CPNE3: variants seen among roughly 807,000 people sequenced by gnomAD.
CPNE3 encodes copine 3, also known as copine-3.
CPNE3 carries 68 observed loss-of-function variants against 63.9 expected under a neutral mutation model. The observed-to-expected ratio is 1.06, with a 90% CI of 0.87 to 1.30. The LOEUF (loss-of-function observed/expected upper bound fraction) is 1.30, where lower values mean the gene tolerates loss of function less well. Ranked by LOEUF, CPNE3 falls within the 50% of genes most tolerant of loss-of-function variation. The pLI, the probability that CPNE3 is intolerant of heterozygous loss-of-function variation, is 0.00. For synonymous variants in CPNE3, 219 were observed against 197.5 expected, an observed-to-expected ratio of 1.11 and a Z score of -0.91; for missense variants, 665 against 578.1, an observed-to-expected ratio of 1.15 and a Z score of -1.54.
Position 86,547,798 on chromosome 8 carries a change from T to C in CPNE3, c.879+28T>C, listed in dbSNP as rs375816223. On this transcript the variant is annotated intron_variant, in intron 11 of 16. Coordinates refer to ENST00000517490, the MANE Select transcript of CPNE3 (RefSeq NM_003909.5). ...AAGTAACACACTGAATTTTTCAGCA[T>C]AGGCTTTTTCCTCCATGTTGCAGTA... 68 of 1,042,942 alleles carry C rather than the reference T, an allele frequency of 6.5e-5. No homozygotes were observed. In the African/African-American group the frequency reaches 9.5e-4, roughly 15 times the overall value. The allele number at this position is 1,042,942 out of a possible 1,614,324, so 64.6% of individuals were successfully genotyped here.
intron 2 of CPNE3, among the ~76,000 whole-genome samples, chr8:86,521,249 A>G (rs928232365): frequency 6.6e-6 from 1 of 152,180 alleles, no homozygotes; most frequent in Non-Finnish European, 1.5e-5. Context: ...AGCCTTAAGT[A>G]ATTTACAATT....
intron 2 of CPNE3, among the ~76,000 whole-genome samples, chr8:86,523,868 G>A (rs1820485109): frequency 6.6e-6 from 1 of 152,186 alleles, no homozygotes; most frequent in African/African-American, 2.4e-5. Context: ...GATTACAGGT[G>A]TGAGCCACCG....
chr8:86,542,933 C>G (rs1178224893), intron 8 of CPNE3, among the ~76,000 whole-genome samples: 1 of 151,994 alleles, frequency 6.6e-6, no homozygotes, highest in African/African-American at 2.4e-5. Flanking sequence ...AATCTTTACT[C>G]AAATAAAATC....
In CPNE3 at chr8:86,556,119, G is replaced by T; in HGVS notation, c.1272G>T (p.Leu424Phe). The change falls in exon 16 of 17, where the codon TTG becomes TTT. Residue 424 changes from leucine (L) to phenylalanine (F), a missense_variant. By Grantham distance (22) the Leu-to-Phe change is conservative. Coordinates refer to ENST00000517490, the MANE Select transcript of CPNE3 (RefSeq NM_003909.5). ...TCTGGCAGCAATATTTTGTGCTTTT[G>T]ATTATTACTGATGGTGTGATCACAG... ...QQTASQYFVL[L>F]IITDGVITDL... is the part of the protein sequence containing the mutation. 1 of 872,938 alleles carries T rather than the reference G, an allele frequency of 1.1e-6. No individual in the cohort carries two copies. Among genetic ancestry groups the T allele is most frequent in the South Asian group, 1.3e-5 (1 of 76,508 alleles). 54.1% of individuals were successfully genotyped at this position (872,938 alleles called of 1,614,324 possible).
intron 2 of CPNE3, among the ~76,000 whole-genome samples, chr8:86,524,069 A>G (rs1268495151): frequency 6.6e-5 from 10 of 152,196 alleles, no homozygotes; most frequent in African/African-American, 1.9e-4. Flanking sequence ...TTAGGAGACT[A>G]TTATATAAGG....
intron 2 of CPNE3, among the ~76,000 whole-genome samples, chr8:86,524,337 G>C (rs1038348238): frequency 1.3e-5 from 2 of 152,090 alleles, no homozygotes; most frequent in Non-Finnish European, 2.9e-5. Context: ...TAAATATTAG[G>C]TCTTAATTCT....
At chr8:86,525,698 A>G (rs1031902008) in intron 2 of CPNE3, among the ~76,000 whole-genome samples, 1 of 152,164 alleles carries the variant, frequency 6.6e-6, no homozygotes, top group Admixed American at 6.5e-5. Context: ...TCACATGTAG[A>G]TGTCTTCATT....
intron 4 of CPNE3, among the ~76,000 whole-genome samples, chr8:86,529,740 A>C (rs1204310362): frequency 6.6e-6 from 1 of 152,180 alleles, no homozygotes; most frequent in Non-Finnish European, 1.5e-5. Flanking sequence ...TTTTGCTCCT[A>C]GGTTAATCTG....
intron 10 of CPNE3, chr8:86,547,429 A>G: frequency 3.4e-6 from 1 of 297,286 alleles, no homozygotes; most frequent in Non-Finnish European, 6.2e-6. Flanking sequence ...AGCCCTCAAC[A>G]TATTGGATTC....
intron 7 of CPNE3, among the ~76,000 whole-genome samples, chr8:86,538,539 T>C (rs1162614194): frequency 6.6e-6 from 1 of 152,166 alleles, no homozygotes; most frequent in African/African-American, 2.4e-5. Flanking sequence ...TTGTGTGTAT[T>C]TTGTTTTGCT....
Position 86,526,828 on chromosome 8 carries a change from G to A in CPNE3, c.-10-1708G>A, listed in dbSNP as rs151141454. ...TGCCCGGCCAGCTTTGTTTTTAAAC[G>A]GGTTTTCTAGCTACTTCTAAGACTA... On this transcript the variant is annotated intron_variant, in intron 2 of 16. Coordinates refer to ENST00000517490, the MANE Select transcript of CPNE3 (RefSeq NM_003909.5). Among the ~76,000 whole-genome samples, 418 of 152,198 alleles carry A rather than the reference G, an allele frequency of 2.7e-3. 2 individuals carry two copies. The highest frequency in any genetic ancestry group is 4.8e-3 in the South Asian group (23 of 4,822).
In CPNE3 at chr8:86,556,076, G is replaced by A. The variant is rs530825656; in HGVS notation, c.1255-26G>A. On this transcript the variant is annotated intron_variant, in intron 15 of 16. Coordinates refer to ENST00000517490, the MANE Select transcript of CPNE3 (RefSeq NM_003909.5). ...CATTAGCCATTGCTTGACTTGCTCA[G>A]GGGACATGTTTTCTTTTTCTGGCAG... 44 of 869,252 alleles carry A rather than the reference G, an allele frequency of 5.1e-5. 2 individuals are homozygous for A. In the South Asian group the frequency reaches 5.5e-4, roughly 11 times the overall value. 53.8% of individuals were successfully genotyped at this position (869,252 alleles called of 1,614,324 possible). A position where few individuals can be genotyped will look rare whatever the true frequency, so the allele number is the denominator to read the frequency against.
rs34745647 is a variant in CPNE3 at position 86,530,690 on chromosome 8, A to AT, written c.313-447dup. Among the ~76,000 whole-genome samples the AT allele has an allele frequency of 8.0e-4, 109 of 135,792 alleles. 1 individual carries two copies. Among genetic ancestry groups the AT allele is most frequent in the South Asian group, 5.2e-3 (22 of 4,250 alleles). The allele number at this position is 135,792 out of a possible 152,430, so 89.1% of individuals were successfully genotyped here. A position where few individuals can be genotyped will look rare whatever the true frequency, so the allele number is the denominator to read the frequency against. ...TTTCCAATGAGTTTTAAATATTTAG[A>AT]TTTTTTTTTTTTTTTTTTGAGATGG... On this transcript the variant is annotated intron_variant, in intron 4 of 16. Coordinates refer to ENST00000517490, the MANE Select transcript of CPNE3 (RefSeq NM_003909.5).
chr8:86,548,673 A>G (rs1201580832), intron 12 of CPNE3, among the ~76,000 whole-genome samples: 2 of 152,246 alleles, frequency 1.3e-5, no homozygotes, highest in South Asian at 4.2e-4. Context: ...TATATTACAT[A>G]TAGTTTGCTA....
chr8:86,552,820 AATTATT>A (rs1016715548), intron 14 of CPNE3, among the ~76,000 whole-genome samples: 2 of 149,532 alleles, frequency 1.3e-5, no homozygotes, highest in Admixed American at 6.7e-5. Context: ...TTTGTGAAGA[AATTATT>A]ATTATTATTA....
chr8:86,539,957 G>GCCCAGCCATCCTCTGTAGTTCCT (rs1249630673), intron 7 of CPNE3, among the ~76,000 whole-genome samples: 3 of 151,952 alleles, frequency 2.0e-5, no homozygotes, highest in African/African-American at 7.3e-5. Context: ...GAGCCACCGC[G>GCCCAGCCATCCTCTGTAGTTCCT]CCCAGCCATC....
chr8:86,539,973 T>C (rs1820897053), intron 7 of CPNE3, among the ~76,000 whole-genome samples: 1 of 152,082 alleles, frequency 6.6e-6, no homozygotes, highest in South Asian at 2.1e-4. Flanking sequence ...CCATCCTCTG[T>C]AGTTCCTAAG....
At chr8:86,541,705 T>TAAAAA (rs536813276) in intron 8 of CPNE3, among the ~76,000 whole-genome samples, 1 of 122,196 alleles carries the variant, frequency 8.2e-6, no homozygotes. Context: ...GACCGTGTCT[T>TAAAAA]AAAAAAAAAA....
intron 10 of CPNE3, 76 bp downstream of exon 10, chr8:86,546,757 G>T: frequency 1.3e-6 from 2 of 1,486,954 alleles, no homozygotes; most frequent in Non-Finnish European, 1.8e-6. Context: ...TGTTGCCCAG[G>T]CTGGAGCGCA....
Sources: gnomAD v4.1 joint callset for allele counts (sites outside exome capture counted in the v4.1 genomes callset) on GRCh38, gnomAD v4.1.1 for gene constraint, MANE v1.5 for transcripts, NCBI Gene and HGNC (gene_info 2026-07-23, HGNC 2026-07-21) for gene names.